Variants in NAMPT observed in about 807,000 individuals in gnomAD.
NAMPT encodes nicotinamide phosphoribosyltransferase.
A neutral mutation model predicts 58.7 loss-of-function variants in NAMPT; 7 were observed. That is an observed-to-expected ratio of 0.12 (90% CI 0.07 to 0.22). The LOEUF is 0.22. Among genes scored for constraint, NAMPT ranks in the 10% least tolerant of loss-of-function variants. The pLI is 1.00. For missense variants in NAMPT, 271 were observed against 567.9 expected (o/e 0.48, Z 5.31); for synonymous variants, 145 against 198.1 (o/e 0.73, Z 2.25).
chr7:106,276,015 T>A (rs185332647), intron 2 of NAMPT: 1 of 152,148 alleles, frequency 6.6e-6, no homozygotes, highest in Non-Finnish European at 1.5e-5. Context: ...GGTGACTGAG[T>A]GAGACCCTGT....
intron 1 of NAMPT, among the ~76,000 whole-genome samples, chr7:106,282,078 C>G (rs1187755220): frequency 1.3e-5 from 2 of 151,966 alleles, no homozygotes; most frequent in Non-Finnish European, 2.9e-5. Flanking sequence ...CTCTGGGGTA[C>G]AAGCTGCAAC....
intron 8 of NAMPT, among the ~76,000 whole-genome samples, chr7:106,257,462 AT>A (rs1379625923): frequency 3.2e-5 from 3 of 93,448 alleles, no homozygotes; most frequent in African/African-American, 6.5e-5. Context: ...TCTACAAAAC[AT>A]TAAAAAAAAA....
chr7:106,253,966 T>C (rs952365378), intron 9 of NAMPT, among the ~76,000 whole-genome samples: 1 of 152,124 alleles, frequency 6.6e-6, no homozygotes, highest in Non-Finnish European at 1.5e-5. Context: ...GGTATAACAA[T>C]CCAAACCTCA....
At chr7:106,275,621 T>C (rs889783688) in intron 2 of NAMPT, 2 of 152,256 alleles carry the variant, frequency 1.3e-5, no homozygotes, top group Non-Finnish European at 2.9e-5. Context: ...AGGTAATCAA[T>C]ACATTTTAGT....
At position 106,284,843 on chromosome 7, in the gene NAMPT, G is replaced by A. The variant is rs1213898152; in HGVS notation, c.42C>T (p.Ala14=). ...CGAGCTTTACCTTGTAGGAGTCGGT[G>A]GCCAGGAGGATGTTGAACTCGGCTT... ...AAEAEFNILL[A]TDSYKVTHYK... The change falls in exon 1 of 11, where the codon GCC becomes GCT. Residue 14 remains alanine, a synonymous_variant. Transcript: ENST00000222553. 5.7e-6 allele frequency: 9 copies of A among 1,570,608 alleles called. No homozygotes were observed. In the African/African-American group the frequency reaches 8.1e-5, roughly 14 times the overall value.
In NAMPT at chr7:106,251,077, T is replaced by C. The variant is rs1212770459; in HGVS notation, c.*6A>G. On this transcript the variant is annotated 3_prime_UTR_variant, in exon 11 of 11. Coordinates refer to ENST00000222553, the MANE Select transcript of NAMPT (RefSeq NM_005746.3). Reference sequence around the variant, plus strand: ...CATACACACAACACACACCCAGTCATAAAGCCTAATGATGTGCTGCTTCCA... The same window carrying C: ...CATACACACAACACACACCCAGTCACAAAGCCTAATGATGTGCTGCTTCCA... 2 of 1,507,000 alleles carry C rather than the reference T, an allele frequency of 1.3e-6. No individual in the cohort carries two copies. Among genetic ancestry groups the C allele is most frequent in the Non-Finnish European group, 1.8e-6 (2 of 1,082,868 alleles). The allele number at this position is 1,507,000 out of a possible 1,614,324, so 93.4% of individuals were successfully genotyped here. A position where few individuals can be genotyped will look rare whatever the true frequency, so the allele number is the denominator to read the frequency against.
At chr7:106,251,804 A>T (rs1327982737) in intron 10 of NAMPT, among the ~76,000 whole-genome samples, 1 of 152,136 alleles carries the variant, frequency 6.6e-6, no homozygotes, top group Non-Finnish European at 1.5e-5. Flanking sequence ...AATCCACTTC[A>T]TCCATACAAG....
chr7:106,284,610 C>G, intron 1 of NAMPT: 3 of 355,610 alleles, frequency 8.4e-6, no homozygotes, highest in Non-Finnish European at 1.3e-5. Flanking sequence ...GCCTCCACCG[C>G]CCAGCCCTCC....
rs1562818855 is a variant in NAMPT, at chr7:106,277,066, T to C, written c.171A>G (p.Thr57=). 1 of 1,600,136 alleles carries C rather than the reference T, an allele frequency of 6.2e-7. No individual in the cohort carries two copies. ...GAATGTACTGCAACCCATAAAATAC[T>C]GTTTCCTCATATTTCACCTTCCTTA... The part of the protein sequence containing the change: ...SKLRKVKYEE[T]VFYGLQYILN... Residue 57 remains threonine, a synonymous_variant, in exon 2 of 11, where the codon ACA becomes ACG. Transcript: ENST00000222553.
At position 106,249,059 on chromosome 7, in the gene NAMPT, G is replaced by T. The variant is rs1218860853; in HGVS notation, c.*2024C>A. On this transcript the variant is annotated 3_prime_UTR_variant, in exon 11 of 11. Transcript: ENST00000222553. ...TTCAATGTTTAAACACAAAATTATG[G>T]GTGATTATCAAAACTATTATTGGTA... The T allele has an allele frequency of 6.6e-6, 1 of 152,020 alleles. No individual in the cohort carries two copies. The highest frequency in any genetic ancestry group is 1.5e-5 in the Non-Finnish European group (1 of 67,930). 9.4% of individuals were successfully genotyped at this position (152,020 alleles called of 1,614,324 possible). A position where few individuals can be genotyped will look rare whatever the true frequency, so the allele number is the denominator to read the frequency against.
intron 1 of NAMPT, chr7:106,284,601 C>T (rs1213252008): frequency 1.1e-4 from 35 of 310,622 alleles, no homozygotes; most frequent in Middle Eastern, 2.5e-3. Flanking sequence ...CCAGGCCCCG[C>T]CTCCACCGCC....
At chr7:106,277,438 G>A (rs1223177942) in intron 1 of NAMPT, among the ~76,000 whole-genome samples, 1 of 152,184 alleles carries the variant, frequency 6.6e-6, no homozygotes, top group African/African-American at 2.4e-5. Context: ...GGTTGGAAAA[G>A]TATTTCATTT....
chr7:106,277,447 T>G (rs1714016430), intron 1 of NAMPT, among the ~76,000 whole-genome samples: 1 of 152,156 alleles, frequency 6.6e-6, no homozygotes, highest in South Asian at 2.1e-4. Flanking sequence ...AGTATTTCAT[T>G]TGGTTTTGGG....
intron 8 of NAMPT, among the ~76,000 whole-genome samples, chr7:106,258,656 A>G (rs1381616324): frequency 2.0e-5 from 3 of 152,250 alleles, no homozygotes; most frequent in Admixed American, 2.0e-4. Flanking sequence ...CATTGCATAT[A>G]AAAGTTATGT....
At chr7:106,282,362 G>A (rs1165189826) in intron 1 of NAMPT, among the ~76,000 whole-genome samples, 1 of 151,926 alleles carries the variant, frequency 6.6e-6, no homozygotes, top group East Asian at 1.9e-4. Context: ...TACCCAATAG[G>A]TCACCAACAT....
intron 1 of NAMPT, among the ~76,000 whole-genome samples, chr7:106,280,798 G>T (rs568636441): frequency 6.6e-6 from 1 of 151,528 alleles, no homozygotes; most frequent in Admixed American, 6.6e-5. Flanking sequence ...AAAACTAGCC[G>T]GGCGTGGTGG....
intron 2 of NAMPT, 125 bp downstream of exon 2, chr7:106,276,889 TAGAACATCA>T: frequency 1.4e-6 from 1 of 725,926 alleles, no homozygotes; most frequent in South Asian, 1.9e-5. Context: ...TTCTCATACT[TAGAACATCA>T]AACACACACC....
intron 9 of NAMPT, chr7:106,253,513 GA>G (rs1792139125): frequency 5.5e-6 from 1 of 183,392 alleles, no homozygotes; most frequent in Admixed American, 5.5e-5. Flanking sequence ...TGCTGTTGAA[GA>G]AAAGCCCAAC....
intron 8 of NAMPT, among the ~76,000 whole-genome samples, chr7:106,256,393 C>T (rs1403366938): frequency 6.6e-6 from 1 of 152,126 alleles, no homozygotes; most frequent in Non-Finnish European, 1.5e-5. Flanking sequence ...GTGAGGCTGA[C>T]GTCAAGGAAG....
Sources: gnomAD v4.1 joint callset for allele counts (sites outside exome capture counted in the v4.1 genomes callset) on GRCh38, gnomAD v4.1.1 for gene constraint, MANE v1.5 for transcripts, NCBI Gene and HGNC (gene_info 2026-07-23, HGNC 2026-07-21) for gene names.